The following TAFA5 variants were observed in gnomAD, a reference collection of about 807,000 sequenced individuals.
TAFA5 encodes the protein chemokine-like protein TAFA-5.
A neutral mutation model predicts 15.3 loss-of-function variants in TAFA5; 6 were observed. That is an observed-to-expected ratio of 0.39 (90% CI 0.21 to 0.77). The LOEUF (loss-of-function observed/expected upper bound fraction) is 0.77, where lower values mean the gene tolerates loss of function less well. Ranked by LOEUF, TAFA5 falls within the 30% of genes least tolerant of loss-of-function variation. TAFA5 has a pLI of 0.41. For missense variants in TAFA5, 161 were observed against 193.1 expected, an observed-to-expected ratio of 0.83 and a Z score of 0.98; for synonymous variants, 103 against 80.7, an observed-to-expected ratio of 1.28 and a Z score of -1.48.
chr22:48,651,824 G>A (rs1006096143), intron 2 of TAFA5, among the ~76,000 whole-genome samples: 2 of 152,280 alleles, frequency 1.3e-5, no homozygotes, highest in South Asian at 2.1e-4. Flanking sequence ...AGGTCGGTGC[G>A]GGAGGGTGGA....
At chr22:48,495,803 C>T (rs1301238050) in intron 1 of TAFA5, among the ~76,000 whole-genome samples, 7 of 152,224 alleles carry the variant, frequency 4.6e-5, no homozygotes, top group Admixed American at 2.6e-4. Flanking sequence ...GACCCTCCTC[C>T]CCGGCTCTCA....
intron 1 of TAFA5, among the ~76,000 whole-genome samples, chr22:48,501,078 C>T (rs540648726): frequency 3.4e-4 from 52 of 152,328 alleles, no homozygotes; most frequent in African/African-American, 1.0e-3. Flanking sequence ...TTGTCACCCC[C>T]ACCCTTCCCC....
intron 2 of TAFA5, among the ~76,000 whole-genome samples, chr22:48,653,061 G>T (rs1927111076): frequency 6.6e-6 from 1 of 152,218 alleles, no homozygotes; most frequent in Non-Finnish European, 1.5e-5. Flanking sequence ...GACCGTGGTG[G>T]GGCTGTCAGG....
At chr22:48,676,423 G>A (rs1352415320) in intron 2 of TAFA5, among the ~76,000 whole-genome samples, 1 of 152,230 alleles carries the variant, frequency 6.6e-6, no homozygotes, top group Non-Finnish European at 1.5e-5. Context: ...TTGGAGGGAG[G>A]CGGGCCTCAT....
At chr22:48,734,109 T>G (rs1340762404) in intron 3 of TAFA5, among the ~76,000 whole-genome samples, 6 of 152,208 alleles carry the variant, frequency 3.9e-5, no homozygotes, top group African/African-American at 1.2e-4. Context: ...AACTAATGAT[T>G]TAATTACAAT....
intron 1 of TAFA5, among the ~76,000 whole-genome samples, chr22:48,592,873 G>A (rs1924622282): frequency 6.6e-6 from 1 of 152,166 alleles, no homozygotes; most frequent in South Asian, 2.1e-4. Flanking sequence ...GTGTTCCGTG[G>A]TGGTCCCAGG....
chr22:48,713,509 C>T (rs766462753), intron 3 of TAFA5, among the ~76,000 whole-genome samples: 1 of 152,250 alleles, frequency 6.6e-6, no homozygotes, highest in Non-Finnish European at 1.5e-5. Context: ...GCAGCTTGTG[C>T]TGTCAGCCTG....
chr22:48,646,136 G>A (rs758945021), intron 1 of TAFA5, among the ~76,000 whole-genome samples: 5 of 152,124 alleles, frequency 3.3e-5, no homozygotes, highest in Non-Finnish European at 5.9e-5. Flanking sequence ...GCGGGGGTCT[G>A]ACCTATTTTC....
chr22:48,687,034 TGATGGAG>T (rs1928382448), intron 2 of TAFA5, among the ~76,000 whole-genome samples: 1 of 144,810 alleles, frequency 6.9e-6, no homozygotes, highest in Non-Finnish European at 1.5e-5. Flanking sequence ...ATGGATGGAT[TGATGGAG>T]GATGGATAGA....
chr22:48,582,684 TACACCAC>T (rs530302405), intron 1 of TAFA5, among the ~76,000 whole-genome samples: 123 of 100,406 alleles, frequency 1.2e-3, no homozygotes, highest in African/African-American at 3.9e-3. Context: ...ACACACGAAA[TACACCAC>T]ACACCACACA....
intron 3 of TAFA5, among the ~76,000 whole-genome samples, chr22:48,746,074 C>T (rs1360183802): frequency 1.3e-5 from 2 of 152,160 alleles, no homozygotes; most frequent in Admixed American, 1.3e-4. Flanking sequence ...GGGGCACATT[C>T]AGCGTCCATT....
intron 1 of TAFA5, among the ~76,000 whole-genome samples, chr22:48,506,754 C>A (rs1007883132): frequency 6.6e-6 from 1 of 152,232 alleles, no homozygotes; most frequent in Non-Finnish European, 1.5e-5. Context: ...TTAGCAGTGA[C>A]CTCTTCCGGC....
At chr22:48,556,838 C>A (rs1299374851) in intron 1 of TAFA5, among the ~76,000 whole-genome samples, 1 of 152,216 alleles carries the variant, frequency 6.6e-6, no homozygotes, top group Non-Finnish European at 1.5e-5. Flanking sequence ...GCCCCATGCT[C>A]ACTTCCCTTG....
chr22:48,511,043 A>T (rs1921192241), intron 1 of TAFA5, among the ~76,000 whole-genome samples: 1 of 152,208 alleles, frequency 6.6e-6, no homozygotes, highest in African/African-American at 2.4e-5. Flanking sequence ...GGACATGCTC[A>T]CCTGGTGACT....
intron 1 of TAFA5, among the ~76,000 whole-genome samples, chr22:48,624,092 C>T (rs919608183): frequency 4.6e-5 from 7 of 152,208 alleles, no homozygotes; most frequent in Non-Finnish European, 8.8e-5. Context: ...CTGACAGTTG[C>T]TCAGACTTTC....
chr22:48,591,326 G>C (rs1485173987), intron 1 of TAFA5, among the ~76,000 whole-genome samples: 1 of 152,216 alleles, frequency 6.6e-6, no homozygotes, highest in Non-Finnish European at 1.5e-5. Flanking sequence ...GGTTGCCCTT[G>C]GGTGGAAACT....
At chr22:48,604,424 CGTG>C (rs1339193011) in intron 1 of TAFA5, among the ~76,000 whole-genome samples, 2 of 152,168 alleles carry the variant, frequency 1.3e-5, no homozygotes, top group Non-Finnish European at 2.9e-5. Context: ...TTTGAGCCGC[CGTG>C]GTGGTGGGGA....
rs1601830172 is a variant in TAFA5, at chr22:48,490,452, T to G, written c.112+748T>G. ...GCCGCGGGCTCCCTGTTGCCTGGAG[T>G]GAAGGGTGGGGGGTGGCCTGTGCCC... On this transcript the variant is annotated intron_variant, in intron 1 of 3. Coordinates refer to ENST00000402357, the MANE Select transcript of TAFA5 (RefSeq NM_001082967.3). The surrounding 1 kb of genome is among the most constrained non-coding windows in gnomAD (Gnocchi z 5.8). Among the ~76,000 whole-genome samples, 1 of 145,280 alleles carries G rather than the reference T, an allele frequency of 6.9e-6. No homozygotes were observed.
intron 1 of TAFA5, among the ~76,000 whole-genome samples, chr22:48,587,927 C>A (rs765162588): frequency 6.6e-6 from 1 of 152,372 alleles, no homozygotes. Context: ...CCAGGCTGAA[C>A]TTTCTGTCTC....
Sources: gnomAD v4.1 joint callset for allele counts (sites outside exome capture counted in the v4.1 genomes callset) on GRCh38, gnomAD v4.1.1 for gene constraint, Gnocchi (gnomAD v3.1) non-coding constraint, MANE v1.5 for transcripts, NCBI Gene and HGNC (gene_info 2026-07-23, HGNC 2026-07-21) for gene names.